WDR25: variants seen among roughly 807,000 people sequenced by gnomAD.
WDR25 encodes WD repeat domain 25, also known as WD repeat-containing protein 25.
Under a neutral mutation model 47.7 loss-of-function variants are expected in WDR25, and 35 were observed. The ratio of observed to expected loss-of-function variants is 0.73; its 90% CI spans 0.56 to 0.97. The LOEUF is 0.97. Among genes scored for constraint, WDR25 ranks in the 50% least tolerant of loss-of-function variants. WDR25 has a pLI of 0.00. For synonymous variants in WDR25, 248 were observed against 278.9 expected, an observed-to-expected ratio of 0.89 and a Z score of 1.10; for missense variants, 634 against 704.7, an observed-to-expected ratio of 0.90 and a Z score of 1.14.
intron 2 of WDR25, among the ~76,000 whole-genome samples, chr14:100,402,889 C>T (rs941100617): frequency 2.2e-4 from 34 of 152,220 alleles, no homozygotes; most frequent in African/African-American, 8.2e-4. Flanking sequence ...GGATGAGACC[C>T]GTGCAGCCAG....
In WDR25 at chr14:100,460,715, CA is replaced by C. The variant is rs59054583; in HGVS notation, c.823-7297del. On this transcript the variant is annotated intron_variant, in intron 2 of 6. Coordinates refer to ENST00000402312, the MANE Select transcript of WDR25 (RefSeq NM_001161476.3). ...ACTCCTTTAAACTGATAAGAGGCACCAAAAAAAAACATTAGCTCTAATGTCG... is the reference window on the plus strand; with the variant it reads ...ACTCCTTTAAACTGATAAGAGGCACCAAAAAAAACATTAGCTCTAATGTCG... 1.9e-4 allele frequency among the ~76,000 whole-genome samples: 28 copies of C among 149,972 alleles called. 1 individual carries two copies. In the South Asian group the frequency reaches 4.9e-3, roughly 26 times the overall value.
intron 3 of WDR25, chr14:100,476,336 C>T (rs1297988446): frequency 2.6e-5 from 4 of 152,182 alleles, no homozygotes; most frequent in Admixed American, 1.3e-4. Flanking sequence ...TTTCTTTTCT[C>T]GTTAACTTTG....
At chr14:100,517,896 C>G (rs1381736387) in intron 4 of WDR25, among the ~76,000 whole-genome samples, 3 of 152,080 alleles carry the variant, frequency 2.0e-5, no homozygotes, top group African/African-American at 7.2e-5. Context: ...ACCAGATAAG[C>G]CTTTTTACCC....
chr14:100,454,487 C>A (rs1422057364), intron 2 of WDR25: 3 of 1,254,716 alleles, frequency 2.4e-6, no homozygotes, highest in Non-Finnish European at 3.1e-6. Flanking sequence ...GGCAGACTAA[C>A]CCTCCCACAG....
intron 2 of WDR25, among the ~76,000 whole-genome samples, chr14:100,414,313 C>CTTT (rs1202018412): frequency 0.03 from 3,134 of 102,826 alleles, 173 homozygotes; most frequent in African/African-American, 0.1. Flanking sequence ...AGAGGTAGTT[C>CTTT]TTTTTTTTTT....
chr14:100,521,871 A>G (rs1372767041), intron 4 of WDR25, among the ~76,000 whole-genome samples: 1 of 152,172 alleles, frequency 6.6e-6, no homozygotes, highest in Non-Finnish European at 1.5e-5. Context: ...GGCTTGTACC[A>G]TTTGCATTTC....
intron 2 of WDR25, among the ~76,000 whole-genome samples, chr14:100,432,768 T>C (rs1315650339): frequency 6.6e-6 from 1 of 152,268 alleles, no homozygotes; most frequent in Non-Finnish European, 1.5e-5. Flanking sequence ...ACTAGTCATG[T>C]GTTGCTTAAC....
chr14:100,418,417 A>C (rs939040949), intron 2 of WDR25, among the ~76,000 whole-genome samples: 1 of 151,176 alleles, frequency 6.6e-6, no homozygotes, highest in African/African-American at 2.4e-5. Flanking sequence ...GCGGATCACG[A>C]GGTCAAGAGA....
intron 3 of WDR25, among the ~76,000 whole-genome samples, chr14:100,476,826 A>G (rs1363335252): frequency 6.6e-6 from 1 of 152,206 alleles, no homozygotes; most frequent in Non-Finnish European, 1.5e-5. Context: ...CTGCTTTGCC[A>G]GGGCTGCCTC....
chr14:100,400,360 T>C (rs1897348818), intron 2 of WDR25, among the ~76,000 whole-genome samples: 1 of 152,190 alleles, frequency 6.6e-6, no homozygotes, highest in African/African-American at 2.4e-5. Flanking sequence ...GTGGAGCTGG[T>C]TTATGATGGT....
chr14:100,376,534 C>A (rs1029650651), intron 1 of WDR25, 39 bp downstream of exon 1: 2 of 1,231,914 alleles, frequency 1.6e-6, no homozygotes, highest in Non-Finnish European at 1.0e-6. Flanking sequence ...CTGGAGGGGC[C>A]GGGACTGGGC....
At chr14:100,492,481 A>T (rs1259106974) in intron 4 of WDR25, among the ~76,000 whole-genome samples, 1 of 152,092 alleles carries the variant, frequency 6.6e-6, no homozygotes, top group Non-Finnish European at 1.5e-5. Flanking sequence ...ATTAACACCC[A>T]CCCCACTTGA....
chr14:100,515,920 G>A (rs1029604967), intron 4 of WDR25, among the ~76,000 whole-genome samples: 1 of 150,614 alleles, frequency 6.6e-6, no homozygotes, highest in Non-Finnish European at 1.5e-5. Context: ...TTACAGATGT[G>A]AGCCACCACG....
intron 2 of WDR25, among the ~76,000 whole-genome samples, chr14:100,465,817 C>T (rs1761114996): frequency 6.6e-6 from 1 of 152,194 alleles, no homozygotes; most frequent in South Asian, 2.1e-4. Context: ...ATTTGACATG[C>T]CCACCAGCAG....
chr14:100,377,987 A>G (rs953234900), intron 1 of WDR25, among the ~76,000 whole-genome samples: 2 of 151,726 alleles, frequency 1.3e-5, no homozygotes, highest in African/African-American at 4.8e-5. Context: ...AAGTCGGTCT[A>G]TTGCCTGAGC....
chr14:100,398,131 C>T (rs1459006054), intron 2 of WDR25, among the ~76,000 whole-genome samples: 4 of 152,244 alleles, frequency 2.6e-5, no homozygotes, highest in Non-Finnish European at 5.9e-5. Context: ...AACCACCACA[C>T]CCGGCCTGGA....
chr14:100,446,915 G>A (rs903794562), intron 2 of WDR25, among the ~76,000 whole-genome samples: 3 of 152,132 alleles, frequency 2.0e-5, no homozygotes, highest in African/African-American at 7.2e-5. Flanking sequence ...GAAAATTATC[G>A]TCTGTGGCCA....
chr14:100,465,905 G>A (rs1320602350), intron 2 of WDR25, among the ~76,000 whole-genome samples: 1 of 152,158 alleles, frequency 6.6e-6, no homozygotes, highest in Non-Finnish European at 1.5e-5. Flanking sequence ...CATCCTAATG[G>A]GTACAAGGTG....
At position 100,425,482 on chromosome 14, in the gene WDR25, C is replaced by G. The variant is rs187109456; in HGVS notation, c.823-42539C>G. Among the ~76,000 whole-genome samples, 37 of 152,326 alleles carry G rather than the reference C, an allele frequency of 2.4e-4. No homozygotes were observed. The highest frequency in any genetic ancestry group is 6.8e-3 in the Middle Eastern group (2 of 294). On this transcript the variant is annotated intron_variant, in intron 2 of 6. Coordinates refer to ENST00000402312, the MANE Select transcript of WDR25 (RefSeq NM_001161476.3). This position sits in a 1 kb window ranked among gnomAD's most constrained non-coding sequence, Gnocchi z 4.8. ...AGCCCCTGCTCTTTCTACTCCTTCC[C>G]CTAGACTGTGAAATATGTTTGATGG...
Sources: gnomAD v4.1 joint callset for allele counts (sites outside exome capture counted in the v4.1 genomes callset) on GRCh38, gnomAD v4.1.1 for gene constraint, Gnocchi (gnomAD v3.1) non-coding constraint, MANE v1.5 for transcripts, NCBI Gene and HGNC (gene_info 2026-07-23, HGNC 2026-07-21) for gene names.